Variants in NIM1K observed in about 807,000 individuals in gnomAD.
NIM1K encodes serine/threonine-protein kinase NIM1.
Under a neutral mutation model 37.1 loss-of-function variants are expected in NIM1K, and 35 were observed. The ratio of observed to expected loss-of-function variants is 0.94; its 90% CI spans 0.72 to 1.25. The LOEUF (loss-of-function observed/expected upper bound fraction) is 1.25, where lower values mean the gene tolerates loss of function less well. NIM1K is among the 50% of genes most tolerant of loss of function. The pLI is 0.00. For synonymous variants in NIM1K, 234 were observed against 206.6 expected, an observed-to-expected ratio of 1.13 and a Z score of -1.14; for missense variants, 564 against 548.0, an observed-to-expected ratio of 1.03 and a Z score of -0.29.
At chr5:43,234,777 G>C (rs1240973504) in intron 1 of NIM1K, among the ~76,000 whole-genome samples, 1 of 152,144 alleles carries the variant, frequency 6.6e-6, no homozygotes, top group Non-Finnish European at 1.5e-5. Flanking sequence ...GGGGATTACA[G>C]GTGTCTGCCA....
chr5:43,215,977 AAAT>A (rs1283801666), intron 1 of NIM1K, among the ~76,000 whole-genome samples: 5 of 152,158 alleles, frequency 3.3e-5, no homozygotes, highest in African/African-American at 1.2e-4. Context: ...GCTCCCCAGG[AAAT>A]ACATCACTGG....
At position 43,237,076 on chromosome 5, in the gene NIM1K, T is replaced by C. The variant is rs115732254; in HGVS notation, c.-694-8006T>C. 2.5e-3 allele frequency among the ~76,000 whole-genome samples: 382 copies of C among 152,338 alleles called. 1 individual carries two copies. Among genetic ancestry groups the C allele is most frequent in the African/African-American group, 8.7e-3 (362 of 41,584 alleles). On this transcript the variant is annotated intron_variant, in intron 1 of 3. Coordinates refer to ENST00000326035, the MANE Select transcript of NIM1K (RefSeq NM_153361.4). ...GGGTGCACCTGCCTGAGAAGGATTATAACTGAGGACTAGCTGTCTTGAACC... is the reference window on the plus strand; with the variant it reads ...GGGTGCACCTGCCTGAGAAGGATTACAACTGAGGACTAGCTGTCTTGAACC...
rs1197959546 is a variant in NIM1K at position 43,205,878 on chromosome 5, G to A, written c.-695+13467G>A. On this transcript the variant is annotated intron_variant, in intron 1 of 3. Transcript: ENST00000326035. ...CAGGTGCCAGCCACCACGCATGGCT[G>A]ATTTTTTGTATTTTTAGTAGAGACG... Among the ~76,000 whole-genome samples, 4 of 152,042 alleles carry A rather than the reference G, an allele frequency of 2.6e-5. 1 individual carries two copies. The highest frequency in any genetic ancestry group is 1.5e-5 in the Non-Finnish European group (1 of 67,982).
At chr5:43,208,485 C>T (rs1449946905) in intron 1 of NIM1K, among the ~76,000 whole-genome samples, 1 of 152,000 alleles carries the variant, frequency 6.6e-6, no homozygotes, top group African/African-American at 2.4e-5. Context: ...CACCTGTAGT[C>T]CCAGCTACTC....
intron 1 of NIM1K, chr5:43,232,001 G>A: frequency 2.9e-6 from 3 of 1,027,290 alleles, no homozygotes; most frequent in Non-Finnish European, 4.4e-6. Flanking sequence ...TGGTCCAGGT[G>A]AGCCCAGGCC....
intron 3 of NIM1K, among the ~76,000 whole-genome samples, chr5:43,278,976 G>A (rs1381089712): frequency 6.6e-6 from 1 of 152,168 alleles, no homozygotes; most frequent in East Asian, 1.9e-4. Context: ...TAATAGAACA[G>A]ATGGGCAAAG....
At chr5:43,207,702 G>A in intron 1 of NIM1K, 2 of 511,884 alleles carry the variant, frequency 3.9e-6, no homozygotes, top group South Asian at 1.7e-5. Context: ...TCATAGAACA[G>A]TTGCTCTATG....
rs34096759 is a variant in NIM1K at position 43,252,574 on chromosome 5, GAA to G, written c.292+6520_292+6521del. Among the ~76,000 whole-genome samples the G allele has an allele frequency of 0.013, 1,931 of 144,514 alleles. 89 individuals carry two copies. The East Asian group carries it at 0.16, about 12-fold the overall frequency. 94.8% of individuals were successfully genotyped at this position (144,514 alleles called of 152,430 possible). ...TCCCAGGACAGTAGTCTAAAAAATT[GAA>G]AAAAAAAAAAAATAAAGAAATACAA... On this transcript the variant is annotated intron_variant, in intron 2 of 3. Transcript: ENST00000326035.
intron 1 of NIM1K, among the ~76,000 whole-genome samples, chr5:43,198,238 TTTCTTTCTTTTC>T (rs1357991586): frequency 2.9e-5 from 4 of 137,418 alleles, no homozygotes; most frequent in African/African-American, 5.5e-5. Flanking sequence ...TCTTTCTTTC[TTTCTTTCTTTTC>T]TTTCTTTCCT....
At chr5:43,257,540 C>T (rs766149500) in intron 2 of NIM1K, among the ~76,000 whole-genome samples, 11 of 151,296 alleles carry the variant, frequency 7.3e-5, no homozygotes, top group Admixed American at 1.3e-4. Context: ...GCTAAAGAGA[C>T]GGGGGTTTCA....
chr5:43,241,624 C>A (rs536278929), intron 1 of NIM1K, among the ~76,000 whole-genome samples: 1 of 152,084 alleles, frequency 6.6e-6, no homozygotes, highest in South Asian at 2.1e-4. Context: ...AGGAGTGAGC[C>A]ACCGTGCCTG....
At chr5:43,257,250 A>AT (rs1412738199) in intron 2 of NIM1K, among the ~76,000 whole-genome samples, 2 of 151,492 alleles carry the variant, frequency 1.3e-5, no homozygotes, top group Admixed American at 1.3e-4. Context: ...CTGCCCACTG[A>AT]TTTTAGCAAT....
intron 1 of NIM1K, among the ~76,000 whole-genome samples, chr5:43,224,444 GAA>G (rs201872225): frequency 3.1e-5 from 4 of 129,126 alleles, no homozygotes; most frequent in Non-Finnish European, 3.4e-5. Flanking sequence ...ACTCGTCTCA[GAA>G]AAAAAAAAAA....
chr5:43,224,256 C>A (rs1042235132), intron 1 of NIM1K, among the ~76,000 whole-genome samples: 6 of 152,048 alleles, frequency 3.9e-5, no homozygotes, highest in Non-Finnish European at 8.8e-5. Flanking sequence ...ACCCCTAACA[C>A]CCCCAGTCGA....
chr5:43,267,761 A>T (rs1038674441), intron 2 of NIM1K, among the ~76,000 whole-genome samples: 3 of 152,168 alleles, frequency 2.0e-5, no homozygotes, highest in Non-Finnish European at 4.4e-5. Context: ...TATAGTTTTG[A>T]GAATTCCTTT....
chr5:43,221,182 G>A (rs1031932957), intron 1 of NIM1K, among the ~76,000 whole-genome samples: 10 of 152,136 alleles, frequency 6.6e-5, no homozygotes, highest in African/African-American at 2.2e-4. Context: ...TTTGTCAAAA[G>A]AAAAACCTTA....
At chr5:43,200,777 T>C (rs1178005209) in intron 1 of NIM1K, among the ~76,000 whole-genome samples, 1 of 151,980 alleles carries the variant, frequency 6.6e-6, no homozygotes, top group African/African-American at 2.4e-5. Flanking sequence ...GGAAATAATA[T>C]GGGGAAATTG....
chr5:43,277,909 G>C (rs1218973319), intron 3 of NIM1K, among the ~76,000 whole-genome samples: 5 of 151,420 alleles, frequency 3.3e-5, no homozygotes, highest in African/African-American at 9.7e-5. Flanking sequence ...AGCTCTTATT[G>C]CCTCTGTGCC....
chr5:43,250,809 G>A (rs759630174), intron 2 of NIM1K, among the ~76,000 whole-genome samples: 91 of 152,190 alleles, frequency 6.0e-4, no homozygotes, highest in Non-Finnish European at 7.8e-4. Context: ...TACTGCATAA[G>A]GCCAACTTTG....
Sources: allele counts gnomAD v4.1 joint callset (sites outside exome capture counted in the v4.1 genomes callset), GRCh38; gene constraint gnomAD v4.1.1; transcripts MANE v1.5; gene names NCBI Gene and HGNC (gene_info 2026-07-23, HGNC 2026-07-21).